Variants in TNRC6B observed in about 807,000 individuals in gnomAD.
The protein encoded by TNRC6B is trinucleotide repeat-containing gene 6B protein.
TNRC6B carries 52 observed loss-of-function variants against 203.6 expected under a neutral mutation model. That is an observed-to-expected ratio of 0.26 (90% CI 0.20 to 0.32). The LOEUF (loss-of-function observed/expected upper bound fraction) is 0.32, where lower values mean the gene tolerates loss of function less well. Among genes scored for constraint, TNRC6B ranks in the 10% least tolerant of loss-of-function variants. The pLI is 1.00. For missense variants in TNRC6B, 1,923 were observed against 2,286.2 expected (o/e 0.84, Z 3.24); for synonymous variants, 838 against 845.7 (o/e 0.99, Z 0.16).
intron 3 of TNRC6B, among the ~76,000 whole-genome samples, chr22:40,143,776 G>A (rs549685206): frequency 3.5e-4 from 53 of 152,318 alleles, no homozygotes; most frequent in East Asian, 9.6e-4. Flanking sequence ...GATTACAGGC[G>A]TGAGCCACTG....
intron 3 of TNRC6B, among the ~76,000 whole-genome samples, chr22:40,152,899 G>A (rs1259128062): frequency 2.6e-5 from 4 of 152,004 alleles, no homozygotes; most frequent in East Asian, 3.9e-4. Flanking sequence ...TCAGGAGTTC[G>A]AGACCAGCCT....
rs150448370 is a variant in TNRC6B, at chr22:40,215,255, C to T, written c.6-30760C>T. Among the ~76,000 whole-genome samples the T allele has an allele frequency of 1.1e-4, 17 of 149,930 alleles. No homozygotes were observed. The East Asian group carries it at 2.4e-3, about 21-fold the overall frequency. ...GTCATTCAGCCATGTTGGAAAAGCA[C>T]AGTAGCTGGTGACAGTTTTGCTAGC... On this transcript the variant is annotated intron_variant, in intron 1 of 22. Coordinates refer to ENST00000454349, the MANE Select transcript of TNRC6B (RefSeq NM_001162501.2).
At chr22:40,297,666 A>G (rs193032691) in intron 12 of TNRC6B, among the ~76,000 whole-genome samples, 2 of 152,180 alleles carry the variant, frequency 1.3e-5, no homozygotes, top group Admixed American at 1.3e-4. Context: ...TACTAAAAAT[A>G]CAAAAATTAG....
At chr22:40,070,738 C>A (rs2067939401) in intron 1 of TNRC6B, among the ~76,000 whole-genome samples, 1 of 151,570 alleles carries the variant, frequency 6.6e-6, no homozygotes. Context: ...AATTCCTTAT[C>A]AGAAACTCTT....
intron 15 of TNRC6B, among the ~76,000 whole-genome samples, chr22:40,301,712 G>T (rs371251514): frequency 3.3e-5 from 5 of 152,236 alleles, no homozygotes; most frequent in East Asian, 1.9e-4. Flanking sequence ...ATACCACAGT[G>T]TGTTTACCCA....
intron 1 of TNRC6B, among the ~76,000 whole-genome samples, chr22:40,210,316 G>C (rs189306384): frequency 2.0e-5 from 3 of 152,348 alleles, no homozygotes; most frequent in African/African-American, 7.2e-5. Context: ...CTCAGATTCT[G>C]TGGGAATATA....
intron 1 of TNRC6B, among the ~76,000 whole-genome samples, chr22:40,185,077 G>C (rs1453890473): frequency 1.3e-5 from 2 of 152,148 alleles, no homozygotes; most frequent in East Asian, 3.8e-4. Context: ...TGAAACCTCT[G>C]CCTCCCGGGT....
At chr22:40,267,421 C>T (rs1273636384) in intron 5 of TNRC6B, among the ~76,000 whole-genome samples, 2 of 152,212 alleles carry the variant, frequency 1.3e-5, no homozygotes, top group African/African-American at 4.8e-5. Flanking sequence ...GGACATGTCT[C>T]TGCTTCTGTT....
At chr22:40,252,623 G>C (rs2070211536) in intron 3 of TNRC6B, among the ~76,000 whole-genome samples, 1 of 152,192 alleles carries the variant, frequency 6.6e-6, no homozygotes, top group Non-Finnish European at 1.5e-5. Flanking sequence ...GTAGTGATGT[G>C]TAAAAGAAAC....
chr22:40,323,136 T>C lies in TNRC6B; in HGVS notation c.5397T>C (p.Ser1799=), dbSNP rs1184696330. The C allele has an allele frequency of 6.2e-7, 1 of 1,613,768 alleles. No individual in the cohort carries two copies. Among genetic ancestry groups the C allele is most frequent in the Admixed American group, 1.7e-5 (1 of 59,962 alleles). Reference sequence around the variant, plus strand: ...CATTGTGGGGGCCCCCAAACTATTCTTCTAGCTTATGGGGAGTCCCAACGG... The same window carrying C: ...CATTGTGGGGGCCCCCAAACTATTCCTCTAGCTTATGGGGAGTCCCAACGG... The part of the protein sequence containing the change: ...GASLWGPPNY[S]SSLWGVPTVE... Residue 1799 remains serine, a synonymous_variant, in exon 23 of 23, where the codon TCT becomes TCC. Transcript: ENST00000454349.
intron 1 of TNRC6B, among the ~76,000 whole-genome samples, chr22:40,214,852 C>G (rs1447682933): frequency 1.3e-5 from 2 of 152,170 alleles, no homozygotes; most frequent in African/African-American, 2.4e-5. Context: ...CCACACCCAG[C>G]CTTGTGTTGT....
In TNRC6B at chr22:40,322,938, T is replaced by C; in HGVS notation, c.5199T>C (p.Pro1733=). Residue 1733 remains proline (P), a synonymous_variant, in exon 23 of 23, where the codon CCT becomes CCC. Coordinates refer to ENST00000454349, the MANE Select transcript of TNRC6B (RefSeq NM_001162501.2). The part of the protein sequence containing the change: ...VSRFLAQAQP[P]TPAATPSAPA... ...GCTTTCTGGCACAAGCTCAGCCCCC[T>C]ACACCTGCAGCAACCCCAAGTGCGC... is the stretch of plus-strand genomic sequence containing the variant. 4 of 1,613,740 alleles carry C rather than the reference T, an allele frequency of 2.5e-6. No individual in the cohort carries two copies. The highest frequency in any genetic ancestry group is 2.5e-6 in the Non-Finnish European group (3 of 1,179,764).
intron 11 of TNRC6B, among the ~76,000 whole-genome samples, chr22:40,284,566 T>A (rs2146526978): frequency 6.6e-6 from 1 of 152,352 alleles, no homozygotes; most frequent in Non-Finnish European, 1.5e-5. Flanking sequence ...ATATTCATCC[T>A]ACAGACTGGG....
chr22:40,193,439 T>C (rs2069298688), intron 1 of TNRC6B, among the ~76,000 whole-genome samples: 1 of 152,110 alleles, frequency 6.6e-6, no homozygotes. Flanking sequence ...CAAAAATAGA[T>C]TGAAAAATGC....
At chr22:40,183,621 G>A (rs138365367) in intron 1 of TNRC6B, among the ~76,000 whole-genome samples, 18 of 151,918 alleles carry the variant, frequency 1.2e-4, no homozygotes, top group African/African-American at 3.6e-4. Context: ...TGAATACAGC[G>A]TTTTCTCCCT....
intron 2 of TNRC6B, among the ~76,000 whole-genome samples, chr22:40,247,043 C>A: frequency 6.6e-6 from 1 of 152,312 alleles, no homozygotes; most frequent in Middle Eastern, 3.4e-3. Flanking sequence ...ATGTACCTTA[C>A]CTCCCTGTTT....
intron 1 of TNRC6B, among the ~76,000 whole-genome samples, chr22:40,220,596 T>G (rs1336353893): frequency 6.6e-6 from 1 of 152,218 alleles, no homozygotes; most frequent in Non-Finnish European, 1.5e-5. Flanking sequence ...TCTTAGAAAT[T>G]TTTGTAACCT....
At chr22:40,157,876 A>G (rs2068831678) in intron 4 of TNRC6B, among the ~76,000 whole-genome samples, 1 of 152,192 alleles carries the variant, frequency 6.6e-6, no homozygotes, top group South Asian at 2.1e-4. Flanking sequence ...CATTTCACTC[A>G]GAGATCAGGG....
rs778462000 is a variant in TNRC6B at position 40,315,501 on chromosome 22, G to A, written c.4897G>A (p.Ala1633Thr). ...RGWGTQDSRL[A>T]SASTWSDGGS... ...GTGGGGGACACAGGACTCACGGCTC[G>A]CCTCGGGTGAGGAGGATCTGCCTAA... The change falls in exon 20 of 23, where the codon GCC becomes ACC. Residue 1633 changes from alanine (A) to threonine (T), a missense_variant. Physicochemically the swap from Ala to Thr is moderately conservative, Grantham distance 58 (BLOSUM62 0). Transcript: ENST00000454349. 46 of 1,613,816 alleles carry A rather than the reference G, an allele frequency of 2.9e-5. No homozygotes were observed. The highest frequency in any genetic ancestry group is 3.4e-5 in the Non-Finnish European group (40 of 1,179,872).
Sources: gnomAD v4.1 joint callset for allele counts (sites outside exome capture counted in the v4.1 genomes callset) on GRCh38, gnomAD v4.1.1 for gene constraint, MANE v1.5 for transcripts, NCBI Gene and HGNC (gene_info 2026-07-23, HGNC 2026-07-21) for gene names.